The following EIF3H variants were observed in gnomAD, a reference collection of about 807,000 sequenced individuals.
EIF3H encodes eukaryotic translation initiation factor 3 subunit H.
Under a neutral mutation model 44.2 loss-of-function variants are expected in EIF3H, and 26 were observed. That is an observed-to-expected ratio of 0.59 (90% CI 0.43 to 0.82). The LOEUF (loss-of-function observed/expected upper bound fraction) is 0.82. Among genes scored for constraint, EIF3H ranks in the 40% least tolerant of loss-of-function variants. The pLI, the probability that EIF3H is intolerant of heterozygous loss-of-function variation, is 0.00. For synonymous variants in EIF3H, 166 were observed against 151.9 expected (o/e 1.09, Z -0.68); for missense variants, 359 against 432.8 (o/e 0.83, Z 1.51).
intron 2 of EIF3H, among the ~76,000 whole-genome samples, chr8:116,699,450 A>C (rs771618574): frequency 3.3e-5 from 5 of 152,224 alleles, no homozygotes; most frequent in Non-Finnish European, 5.9e-5. Flanking sequence ...ACCTAGGGAC[A>C]GAAAAACAAA....
chr8:116,670,985 C>T (rs536841477), intron 2 of EIF3H, among the ~76,000 whole-genome samples: 5 of 152,278 alleles, frequency 3.3e-5, no homozygotes, highest in African/African-American at 9.6e-5. Context: ...TATTGGACGG[C>T]AAAAACATTA....
intron 1 of EIF3H, among the ~76,000 whole-genome samples, chr8:116,732,103 C>T (rs1169903286): frequency 6.6e-6 from 1 of 152,110 alleles, no homozygotes; most frequent in East Asian, 1.9e-4. Context: ...CTGAAATTAC[C>T]CTGCAGGGAA....
intron 2 of EIF3H, among the ~76,000 whole-genome samples, chr8:116,674,193 G>A (rs2130823532): frequency 6.7e-6 from 1 of 150,014 alleles, no homozygotes; most frequent in East Asian, 2.0e-4. Context: ...ATTTCATAAA[G>A]CCCAAGACTC....
At chr8:116,653,588 A>G (rs2130784542) in intron 5 of EIF3H, among the ~76,000 whole-genome samples, 1 of 152,300 alleles carries the variant, frequency 6.6e-6, no homozygotes, top group East Asian at 1.9e-4. Context: ...GAACCAGGAC[A>G]TGAAGTGTTA....
chr8:116,714,416 C>T (rs1039112629), intron 2 of EIF3H, among the ~76,000 whole-genome samples: 7 of 152,044 alleles, frequency 4.6e-5, no homozygotes, highest in African/African-American at 1.7e-4. Context: ...TTTATGTACA[C>T]ACTTGTCTCT....
At chr8:116,674,633 A>G (rs1329744866) in intron 2 of EIF3H, among the ~76,000 whole-genome samples, 2 of 152,246 alleles carry the variant, frequency 1.3e-5, no homozygotes, top group Non-Finnish European at 2.9e-5. Context: ...ACGAGCCTGA[A>G]TATCTAGTAA....
At chr8:116,661,177 T>A (rs1813581161) in intron 2 of EIF3H, among the ~76,000 whole-genome samples, 1 of 152,218 alleles carries the variant, frequency 6.6e-6, no homozygotes, top group East Asian at 1.9e-4. Flanking sequence ...TAATAAATTT[T>A]AATCAAATTT....
At chr8:116,703,917 C>T (rs1286440841) in intron 2 of EIF3H, among the ~76,000 whole-genome samples, 1 of 152,184 alleles carries the variant, frequency 6.6e-6, no homozygotes, top group African/African-American at 2.4e-5. Flanking sequence ...GGGCTGGACC[C>T]TACATTAGTG....
chr8:116,704,617 T>A (rs1380415989), intron 2 of EIF3H, among the ~76,000 whole-genome samples: 1 of 152,214 alleles, frequency 6.6e-6, no homozygotes. Context: ...AGAGTAAGGT[T>A]AATCGACAAA....
intron 1 of EIF3H, among the ~76,000 whole-genome samples, chr8:116,730,624 T>C (rs1378544963): frequency 2.0e-5 from 3 of 152,194 alleles, no homozygotes; most frequent in African/African-American, 4.8e-5. Flanking sequence ...GTATATATAT[T>C]TCAAAGTTTC....
intron 2 of EIF3H, among the ~76,000 whole-genome samples, chr8:116,668,693 T>G (rs965286667): frequency 1.3e-4 from 20 of 148,888 alleles, no homozygotes; most frequent in Admixed American, 8.1e-4. Context: ...CCTCCTCTGT[T>G]GCCAAAAAAG....
chr8:116,739,535 A>C (rs1320584614), intron 1 of EIF3H, among the ~76,000 whole-genome samples: 1 of 152,226 alleles, frequency 6.6e-6, no homozygotes, highest in South Asian at 2.1e-4. Context: ...CTGCAGTCCC[A>C]GCTACTCGGG....
intron 2 of EIF3H, among the ~76,000 whole-genome samples, chr8:116,694,538 T>C (rs1441222526): frequency 6.6e-6 from 1 of 152,228 alleles, no homozygotes; most frequent in Non-Finnish European, 1.5e-5. Flanking sequence ...TTGCGATAAT[T>C]CTCTTTCATT....
intron 2 of EIF3H, among the ~76,000 whole-genome samples, chr8:116,677,605 T>C (rs1372618710): frequency 2.6e-5 from 4 of 152,214 alleles, no homozygotes; most frequent in South Asian, 2.1e-4. Flanking sequence ...TAGCTTCCAT[T>C]TACTGAGCAC....
intron 4 of EIF3H, among the ~76,000 whole-genome samples, chr8:116,656,294 T>C (rs1813488831): frequency 6.6e-6 from 1 of 152,194 alleles, no homozygotes; most frequent in African/African-American, 2.4e-5. Flanking sequence ...ATTTCACTGA[T>C]ACTAAAATGT....
At chr8:116,658,721 C>T in intron 3 of EIF3H, 92 bp downstream of exon 3, 1 of 1,338,166 alleles carries the variant, frequency 7.5e-7, no homozygotes. Flanking sequence ...TTGAGAAGGC[C>T]TGCCAGACTG....
chr8:116,695,757 TG>T (rs1292146105), intron 2 of EIF3H, among the ~76,000 whole-genome samples: 2 of 151,998 alleles, frequency 1.3e-5, no homozygotes, highest in Admixed American at 1.3e-4. Flanking sequence ...CTGAGCAAGG[TG>T]GGGAGGGCAT....
upstream of EIF3H, chr8:116,756,105 G>A (rs1430637188): frequency 1.7e-6 from 2 of 1,148,294 alleles, no homozygotes; most frequent in African/African-American, 3.1e-5. Flanking sequence ...CATTATTTCT[G>A]TAGTGTCTCT....
At chr8:116,685,212 G>T (rs1174372243) in intron 2 of EIF3H, among the ~76,000 whole-genome samples, 1 of 152,126 alleles carries the variant, frequency 6.6e-6, no homozygotes, top group Non-Finnish European at 1.5e-5. Flanking sequence ...TAACCAGGAG[G>T]ATACCCTACA....
Sources: gnomAD v4.1 joint callset for allele counts (sites outside exome capture counted in the v4.1 genomes callset) on GRCh38, gnomAD v4.1.1 for gene constraint, MANE v1.5 for transcripts, NCBI Gene and HGNC (gene_info 2026-07-23, HGNC 2026-07-21) for gene names.